Variants in NAALADL2 observed in about 807,000 individuals in gnomAD.
NAALADL2 encodes the protein N-acetylated alpha-linked acidic dipeptidase like 2, also known as inactive N-acetylated-alpha-linked acidic dipeptidase-like protein 2.
In NAALADL2, 76 loss-of-function variants were observed where a neutral mutation model predicts 87.2. The ratio of observed to expected loss-of-function variants is 0.87; its 90% confidence interval spans 0.72 to 1.05. The LOEUF (loss-of-function observed/expected upper bound fraction) is 1.05. Ranked by LOEUF, NAALADL2 falls within the 50% of genes least tolerant of loss-of-function variation. The pLI, the probability that NAALADL2 is intolerant of heterozygous loss-of-function variation, is 0.00. For synonymous variants in NAALADL2, 354 were observed against 331.0 expected, an observed-to-expected ratio of 1.07 and a Z score of -0.75; for missense variants, 1,089 against 945.8, an observed-to-expected ratio of 1.15 and a Z score of -1.99.
chr3:175,163,276 TTA>T (rs1733505280), intron 2 of NAALADL2, among the ~76,000 whole-genome samples: 1 of 152,092 alleles, frequency 6.6e-6, no homozygotes, highest in Admixed American at 6.6e-5. Flanking sequence ...TTCAGAATAA[TTA>T]TGTCTGCTTT....
At chr3:175,180,081 A>C (rs1003962658) in intron 2 of NAALADL2, among the ~76,000 whole-genome samples, 6 of 151,996 alleles carry the variant, frequency 3.9e-5, no homozygotes, top group African/African-American at 1.4e-4. Context: ...GAACTAATAA[A>C]AGGTAGTTGT....
intron 5 of NAALADL2, among the ~76,000 whole-genome samples, chr3:175,362,309 C>CA (rs1441617369): frequency 6.8e-6 from 1 of 147,924 alleles, no homozygotes; most frequent in African/African-American, 2.5e-5. Flanking sequence ...GTGATGCCTC[C>CA]AGCTTTGTTC....
chr3:175,703,579 C>T (rs1953158), intron 11 of NAALADL2, among the ~76,000 whole-genome samples: 40,139 of 151,724 alleles, frequency 0.26, 7,193 homozygotes, highest in African/African-American at 0.51. Context: ...CCCATCTCTA[C>T]TAAAAACACA....
chr3:175,644,987 A>G (rs746866097), intron 11 of NAALADL2, among the ~76,000 whole-genome samples: 1 of 151,984 alleles, frequency 6.6e-6, no homozygotes, highest in African/African-American at 2.4e-5. Flanking sequence ...ACAGTTGTTT[A>G]GTGCTGAAAA....
intron 3 of NAALADL2, among the ~76,000 whole-genome samples, chr3:174,764,212 T>C (rs1644637275): frequency 6.6e-6 from 1 of 152,244 alleles, no homozygotes; most frequent in Admixed American, 6.5e-5. Context: ...CCAATGATAA[T>C]TATTGTACCA....
chr3:175,361,429 G>C (rs1764997386), intron 5 of NAALADL2, among the ~76,000 whole-genome samples: 1 of 148,118 alleles, frequency 6.8e-6, no homozygotes, highest in South Asian at 2.2e-4. Flanking sequence ...CTAGATCCTT[G>C]AGGAATCGCC....
intron 11 of NAALADL2, among the ~76,000 whole-genome samples, chr3:175,698,324 T>C (rs1203577816): frequency 1.1e-5 from 1 of 94,556 alleles, no homozygotes; most frequent in Non-Finnish European, 2.0e-5. Context: ...TATGTGTATT[T>C]ATGTATGTGT....
chr3:175,063,291 A>G (rs77161466), intron 1 of NAALADL2, among the ~76,000 whole-genome samples: 12,610 of 152,152 alleles, frequency 0.083, 698 homozygotes, highest in East Asian at 0.21. Flanking sequence ...TAAAAATTAA[A>G]CAATTGATTT....
At chr3:175,510,106 T>A (rs568742897) in intron 9 of NAALADL2, among the ~76,000 whole-genome samples, 1 of 151,950 alleles carries the variant, frequency 6.6e-6, no homozygotes, top group African/African-American at 2.4e-5. Context: ...GGTGTTTGGT[T>A]TTTTTTTCTT....
Position 175,298,972 on chromosome 3 carries a change from A to G in NAALADL2, c.940-25203A>G, listed in dbSNP as rs370412239. 3.4e-3 allele frequency among the ~76,000 whole-genome samples: 513 copies of G among 152,296 alleles called. 1 individual carries two copies. The highest frequency in any genetic ancestry group is 0.012 in the African/African-American group (481 of 41,570). On this transcript the variant is annotated intron_variant, in intron 4 of 13. Coordinates refer to ENST00000454872, the MANE Select transcript of NAALADL2 (RefSeq NM_207015.3). ...AAAATGAAATACATCATTAATTTTG[A>G]AACTAAGTTTTAAGCAGATTCTTTC...
chr3:175,645,424 T>C (rs1729864833), intron 11 of NAALADL2, among the ~76,000 whole-genome samples: 1 of 152,116 alleles, frequency 6.6e-6, no homozygotes, highest in African/African-American at 2.4e-5. Context: ...AAATACAAAC[T>C]ATGCTAAGGC....
At chr3:174,714,835 T>C (rs1052432797) in intron 2 of NAALADL2, among the ~76,000 whole-genome samples, 1 of 152,194 alleles carries the variant, frequency 6.6e-6, no homozygotes, top group South Asian at 2.1e-4. Flanking sequence ...CAACACTATG[T>C]TGAATAGGAG....
chr3:175,481,656 G>A (rs1435726726), intron 9 of NAALADL2, among the ~76,000 whole-genome samples: 2 of 151,776 alleles, frequency 1.3e-5, no homozygotes, highest in African/African-American at 2.4e-5. Context: ...AGCATGTTCA[G>A]GACAGCTTTA....
intron 4 of NAALADL2, among the ~76,000 whole-genome samples, chr3:175,320,388 A>G (rs193166999): frequency 1.1e-3 from 160 of 152,304 alleles, no homozygotes; most frequent in Middle Eastern, 3.4e-3. Flanking sequence ...TTCTCAAAAC[A>G]TTTAACGACG....
chr3:174,668,834 G>A (rs1015707002), intron 2 of NAALADL2, among the ~76,000 whole-genome samples: 1 of 152,142 alleles, frequency 6.6e-6, no homozygotes, highest in Non-Finnish European at 1.5e-5. Context: ...TTGGACATTT[G>A]GGTTGGTTCC....
chr3:175,133,315 G>C (rs1351295334), intron 2 of NAALADL2, among the ~76,000 whole-genome samples: 2 of 152,180 alleles, frequency 1.3e-5, no homozygotes, highest in African/African-American at 2.4e-5. Flanking sequence ...CTTCCCAGAC[G>C]GGGTGGCGGC....
At chr3:174,876,007 C>T (rs1336740881) in intron 1 of NAALADL2, among the ~76,000 whole-genome samples, 1 of 150,546 alleles carries the variant, frequency 6.6e-6, no homozygotes, top group Non-Finnish European at 1.5e-5. Flanking sequence ...TGAGGGAAAA[C>T]TAAAATGCAT....
At chr3:175,379,837 C>A (rs114613266) in intron 5 of NAALADL2, among the ~76,000 whole-genome samples, 92 of 152,158 alleles carry the variant, frequency 6.0e-4, no homozygotes, top group African/African-American at 2.2e-3. Context: ...TTAAAGAGTA[C>A]CAAGAATTAA....
intron 2 of NAALADL2, among the ~76,000 whole-genome samples, chr3:175,102,373 A>G (rs1722361336): frequency 6.6e-6 from 1 of 152,130 alleles, no homozygotes; most frequent in Non-Finnish European, 1.5e-5. Context: ...TTTGTTTTTG[A>G]TAGGCCAAAA....
Sources: gnomAD v4.1 joint callset for allele counts (sites outside exome capture counted in the v4.1 genomes callset) on GRCh38, gnomAD v4.1.1 for gene constraint, MANE v1.5 for transcripts, NCBI Gene and HGNC (gene_info 2026-07-23, HGNC 2026-07-21) for gene names.